UBXN4: variants seen among roughly 807,000 people sequenced by gnomAD.
UBXN4 encodes UBX domain-containing protein 4.
A neutral mutation model predicts 66.2 loss-of-function variants in UBXN4; 35 were observed. The ratio of observed to expected loss-of-function variants is 0.53; its 90% CI spans 0.40 to 0.70. UBXN4 has a LOEUF of 0.70. Among genes scored for constraint, UBXN4 ranks in the 30% least tolerant of loss-of-function variants. UBXN4 has a pLI of 0.00. For missense variants in UBXN4, 533 were observed against 599.8 expected (o/e 0.89, Z 1.16); for synonymous variants, 203 against 204.5 (o/e 0.99, Z 0.06).
chr2:135,770,201 T>C lies in UBXN4; in HGVS notation c.658-370T>C, dbSNP rs139059345. ...TAAGCATTCTAGCACATGGTTCATT[T>C]TTCTCACCATGTATACCTAACTGTG... On this transcript the variant is annotated intron_variant, in intron 7 of 12. Transcript: ENST00000272638. Among the ~76,000 whole-genome samples the C allele has an allele frequency of 7.2e-5, 11 of 152,322 alleles. No homozygotes were observed. In the East Asian group the frequency reaches 1.9e-3, roughly 27 times the overall value.
intron 6 of UBXN4, among the ~76,000 whole-genome samples, chr2:135,763,611 G>C (rs1559540959): frequency 6.6e-6 from 1 of 152,080 alleles, no homozygotes. Context: ...GTTTGCTTGA[G>C]CCCAGAAAAT....
intron 2 of UBXN4, 48 bp downstream of exon 2, chr2:135,748,417 T>A: frequency 1.5e-6 from 2 of 1,368,072 alleles, no homozygotes; most frequent in Non-Finnish European, 2.0e-6. Flanking sequence ...TTATAAGTAT[T>A]GTCTTTGATT....
chr2:135,771,781 TG>T (rs1433992634), intron 8 of UBXN4, among the ~76,000 whole-genome samples: 1 of 152,134 alleles, frequency 6.6e-6, no homozygotes, highest in Non-Finnish European at 1.5e-5. Flanking sequence ...CAGGCTGGTC[TG>T]GAACTCCTGA....
intron 6 of UBXN4, among the ~76,000 whole-genome samples, chr2:135,767,893 A>G (rs72970289): frequency 0.066 from 9,996 of 151,906 alleles, 608 homozygotes; most frequent in African/African-American, 0.15. Flanking sequence ...TTTTTCTCTC[A>G]TGTGTTACTA....
chr2:135,772,348 A>G (rs917187051), intron 8 of UBXN4, 72 bp from the exon 9 acceptor site: 2 of 1,555,758 alleles, frequency 1.3e-6, no homozygotes, highest in Non-Finnish European at 1.7e-6. Context: ...AATTCCATGC[A>G]TATTTGTTTG....
At chr2:135,766,607 G>A (rs1264998201) in intron 6 of UBXN4, among the ~76,000 whole-genome samples, 2 of 152,112 alleles carry the variant, frequency 1.3e-5, no homozygotes, top group African/African-American at 4.8e-5. Flanking sequence ...TCTGCTCCCT[G>A]TTCTATCATT....
chr2:135,770,607 G>T lies in UBXN4; in HGVS notation c.694G>T (p.Gly232Ter). 1.3e-6 allele frequency: 2 copies of T among 1,529,280 alleles called. No individual in the cohort carries two copies. The highest frequency in any genetic ancestry group is 1.7e-6 in the Non-Finnish European group (2 of 1,143,956). The allele number at this position is 1,529,280 out of a possible 1,614,324, so 94.7% of individuals were successfully genotyped here. A position where few individuals can be genotyped will look rare whatever the true frequency, so the allele number is the denominator to read the frequency against. ...GAAGGAAATTGAGAGGAGAAAAACT[G>T]GAAAAGAAATGTTGGATTATAAAAG... ...IKKEIERRKT[G>*]KEMLDYKRKQ... The change falls in exon 8 of 13, where the codon GGA becomes TGA. Residue 232 changes from glycine to a stop codon, truncating the protein, a stop_gained. Transcript: ENST00000272638. LOFTEE classifies it high-confidence loss of function.
intron 9 of UBXN4, among the ~76,000 whole-genome samples, chr2:135,776,015 C>T (rs112498679): frequency 1.3e-5 from 2 of 152,164 alleles, no homozygotes; most frequent in Non-Finnish European, 2.9e-5. Context: ...GTGATCCGCC[C>T]GCCTTGGCCT....
chr2:135,741,868 G>A lies in UBXN4; in HGVS notation c.-62G>A. 6.5e-7 allele frequency: 1 copy of A among 1,540,552 alleles called. No individual in the cohort carries two copies. Among genetic ancestry groups the A allele is most frequent in the South Asian group, 1.2e-5 (1 of 84,738 alleles). On this transcript the variant is annotated 5_prime_UTR_variant, in exon 1 of 13. Coordinates refer to ENST00000272638, the MANE Select transcript of UBXN4 (RefSeq NM_014607.4). ...GCAGAGCCGGACGAAGACGGAGGGC[G>A]GAGCCGGCTTCGGGACTGCGGAGAC...
chr2:135,784,425 A>C lies in UBXN4; in HGVS notation c.*1538A>C, dbSNP rs973009230. On this transcript the variant is annotated 3_prime_UTR_variant, in exon 13 of 13. Transcript: ENST00000272638. ...GGTACAGTGTGATCTCAGCTTTGCA[A>C]ACACATTTTCTACATAGATAGTACT... 2.6e-5 allele frequency: 4 copies of C among 152,172 alleles called. No individual in the cohort carries two copies. The highest frequency in any genetic ancestry group is 4.4e-5 in the Non-Finnish European group (3 of 68,030). The allele number at this position is 152,172 out of a possible 1,614,324, so 9.4% of individuals were successfully genotyped here. A position where few individuals can be genotyped will look rare whatever the true frequency, so the allele number is the denominator to read the frequency against.
chr2:135,772,420 G>T lies in UBXN4; in HGVS notation c.823G>T (p.Asp275Tyr). Residue 275 changes from aspartate (D) to tyrosine (Y), a missense_variant and splice_region_variant, in exon 9 of 13, where the codon GAC becomes TAC. By Grantham distance (160) the Asp-to-Tyr change is radical (BLOSUM62 -3). Coordinates refer to ENST00000272638, the MANE Select transcript of UBXN4 (RefSeq NM_014607.4). ...ATTGGTATTTAATGATGTTTTAAAG[G>T]ACCGTGCAGAGAGAGCTGCTCGTTT... ...RERIKQQIAL[D>Y]RAERAARFAK... The T allele has an allele frequency of 1.2e-6, 2 of 1,613,710 alleles. No homozygotes were observed. The highest frequency in any genetic ancestry group is 2.2e-5 in the South Asian group (2 of 91,036).
chr2:135,747,149 T>C, intron 1 of UBXN4, among the ~76,000 whole-genome samples: 1 of 151,260 alleles, frequency 6.6e-6, no homozygotes, highest in Non-Finnish European at 1.5e-5. Context: ...TGGATTAAAT[T>C]GTCCTGGCCA....
At chr2:135,752,631 A>G (rs1425650547) in intron 2 of UBXN4, among the ~76,000 whole-genome samples, 1 of 152,222 alleles carries the variant, frequency 6.6e-6, no homozygotes, top group Non-Finnish European at 1.5e-5. Flanking sequence ...GTATTCAGGT[A>G]TACTTGTCTG....
intron 5 of UBXN4, among the ~76,000 whole-genome samples, chr2:135,758,494 A>G (rs993729735): frequency 4.6e-5 from 7 of 152,114 alleles, no homozygotes; most frequent in African/African-American, 1.7e-4. Context: ...GATTACAGGC[A>G]TGAGTCATTG....
At chr2:135,757,593 T>G (rs940115722) in intron 5 of UBXN4, among the ~76,000 whole-genome samples, 1 of 152,270 alleles carries the variant, frequency 6.6e-6, no homozygotes, top group African/African-American at 2.4e-5. Flanking sequence ...TTTTCTTGTT[T>G]GTTCATATGT....
At chr2:135,756,881 C>T (rs184690875) in intron 5 of UBXN4, among the ~76,000 whole-genome samples, 26 of 152,166 alleles carry the variant, frequency 1.7e-4, no homozygotes, top group African/African-American at 4.8e-4. Context: ...TATTGTCCAC[C>T]GTCTTCTGGT....
chr2:135,760,363 G>A (rs542760846), intron 5 of UBXN4, among the ~76,000 whole-genome samples: 2 of 152,024 alleles, frequency 1.3e-5, no homozygotes, highest in African/African-American at 2.4e-5. Flanking sequence ...CCCAGGAGGC[G>A]GAGGTTGCAG....
At chr2:135,752,569 A>G (rs951768577) in intron 2 of UBXN4, among the ~76,000 whole-genome samples, 1 of 152,244 alleles carries the variant, frequency 6.6e-6, no homozygotes, top group Non-Finnish European at 1.5e-5. Context: ...ACATTATCAC[A>G]TGCCTAAGTA....
At chr2:135,742,239 C>T (rs1467054029) in intron 1 of UBXN4, among the ~76,000 whole-genome samples, 2 of 152,210 alleles carry the variant, frequency 1.3e-5, no homozygotes, top group Non-Finnish European at 2.9e-5. Flanking sequence ...CCCCGGGCGC[C>T]CCCAGCCTTT....
Sources: gnomAD v4.1 joint callset for allele counts (sites outside exome capture counted in the v4.1 genomes callset) on GRCh38, gnomAD v4.1.1 for gene constraint, MANE v1.5 for transcripts, NCBI Gene and HGNC (gene_info 2026-07-23, HGNC 2026-07-21) for gene names.